SYNE1: variants seen among roughly 807,000 people sequenced by gnomAD.
SYNE1 encodes the protein spectrin repeat containing nuclear envelope protein 1, also known as nesprin-1.
A neutral mutation model predicts 1,111.0 loss-of-function variants in SYNE1; 616 were observed. The observed-to-expected ratio is 0.55, with a 90% CI of 0.52 to 0.59. The LOEUF is 0.59. Among genes scored for constraint, SYNE1 ranks in the 20% least tolerant of loss-of-function variants. The pLI, the probability that SYNE1 is intolerant of heterozygous loss-of-function variation, is 0.00. For synonymous variants in SYNE1, 3,855 were observed against 3,825.8 expected, an observed-to-expected ratio of 1.01 and a Z score of -0.28; for missense variants, 10,006 against 10,417.0, an observed-to-expected ratio of 0.96 and a Z score of 1.72.
At position 152,438,145 on chromosome 6, in the gene SYNE1, T is replaced by A. The variant is rs140760193; in HGVS notation, c.4150-2044A>T. Among the ~76,000 whole-genome samples the A allele has an allele frequency of 2.5e-3, 381 of 152,352 alleles. 2 individuals carry two copies. The highest frequency in any genetic ancestry group is 8.8e-3 in the African/African-American group (364 of 41,582). On this transcript the variant is annotated intron_variant, in intron 32 of 145. Transcript: ENST00000367255. ...CACTAAAATATGGTAGTTGCTAATG[T>A]CACAACATTAAATTCTTTGGATAAA...
chr6:152,185,979 G>A (rs2069745729), intron 128 of SYNE1, among the ~76,000 whole-genome samples: 1 of 152,158 alleles, frequency 6.6e-6, no homozygotes, highest in South Asian at 2.1e-4. Flanking sequence ...ACGTAAGTAT[G>A]AGGAAATAGA....
rs1044484171 is a variant in SYNE1 at position 152,573,355 on chromosome 6, T to A, written c.68-33334A>T. 3.9e-5 allele frequency among the ~76,000 whole-genome samples: 4 copies of A among 103,076 alleles called. No individual in the cohort carries two copies. The South Asian group carries it at 1.3e-3, about 35-fold the overall frequency. 67.6% of individuals were successfully genotyped at this position (103,076 alleles called of 152,430 possible). A position where few individuals can be genotyped will look rare whatever the true frequency, so the allele number is the denominator to read the frequency against. ...CCTCCCCCCACCCCACAACAGGCCC[T>A]GGTGTGTTATGGTCCCCTTCCTGTG... is the stretch of plus-strand genomic sequence containing the variant. On this transcript the variant is annotated intron_variant, in intron 3 of 145. Transcript: ENST00000367255.
chr6:152,416,759 G>C lies in SYNE1; in HGVS notation c.5678C>G (p.Ala1893Gly). The change falls in exon 41 of 146, where the codon GCA (alanine) becomes GGA (glycine). Residue 1893 changes from alanine to glycine, a missense_variant. Physicochemically the swap from Ala to Gly is moderately conservative, Grantham distance 60. Around this residue, in one of 7 missense-constraint regions of SYNE1, gnomAD observed 4,955 missense variants for 5,017.2 expected, o/e 0.99. Transcript: ENST00000367255. The part of the protein sequence containing the change: ...ILRQLRQTVE[A>G]TNSMNKNESD... ...CTCGTTCTTATTCATACTGTTGGTT[G>C]CTTCCACTGTTTGCCTCAGCTGGCG... 1 of 1,614,234 alleles carries C rather than the reference G, an allele frequency of 6.2e-7. No homozygotes were observed. Among genetic ancestry groups the C allele is most frequent in the Non-Finnish European group, 8.5e-7 (1 of 1,180,042 alleles).
At chr6:152,475,345 T>C (rs756534540) in intron 14 of SYNE1, among the ~76,000 whole-genome samples, 1 of 152,218 alleles carries the variant, frequency 6.6e-6, no homozygotes, top group Non-Finnish European at 1.5e-5. Flanking sequence ...CCAAACATTA[T>C]AGCTTAGCTT....
intron 3 of SYNE1, among the ~76,000 whole-genome samples, chr6:152,592,119 C>T (rs567947278): frequency 1.2e-4 from 19 of 152,152 alleles, no homozygotes; most frequent in Admixed American, 3.3e-4. Flanking sequence ...GGAGATTTCT[C>T]AAAGAACTTA....
intron 30 of SYNE1, among the ~76,000 whole-genome samples, chr6:152,442,861 A>G (rs1272081041): frequency 6.6e-6 from 1 of 152,164 alleles, no homozygotes; most frequent in Non-Finnish European, 1.5e-5. Context: ...TGGGAGGGTC[A>G]CTTGAACCCA....
chr6:152,449,613 TAGATA>T lies in SYNE1; in HGVS notation c.3419_3423del (p.Ile1140AsnfsTer3). ...ATCCCCTTTAATTGTGTCTCATTTG[TAGATA>T]TCCAAGATGAGAACTCAGAGAATCT... On this transcript the variant is annotated frameshift_variant, in exon 28 of 146. Coordinates refer to ENST00000367255, the MANE Select transcript of SYNE1 (RefSeq NM_182961.4). LOFTEE classifies it high-confidence loss of function. 6.2e-7 allele frequency: 1 copy of T among 1,613,956 alleles called. No homozygotes were observed. The highest frequency in any genetic ancestry group is 8.5e-7 in the Non-Finnish European group (1 of 1,179,834).
chr6:152,381,944 T>C (rs994313024), intron 55 of SYNE1, among the ~76,000 whole-genome samples: 1 of 152,208 alleles, frequency 6.6e-6, no homozygotes, highest in Non-Finnish European at 1.5e-5. Context: ...TAGACTGACT[T>C]ACTCAAAAGT....
intron 55 of SYNE1, among the ~76,000 whole-genome samples, chr6:152,382,294 G>A (rs917746515): frequency 6.6e-6 from 1 of 152,094 alleles, no homozygotes; most frequent in South Asian, 2.1e-4. Context: ...AGATAATCAG[G>A]CACAAAAATG....
chr6:152,551,134 C>T (rs752472368), intron 3 of SYNE1, among the ~76,000 whole-genome samples: 10 of 152,206 alleles, frequency 6.6e-5, no homozygotes, highest in South Asian at 6.2e-4. Context: ...AGACAATGAT[C>T]GGATAGTAAA....
chr6:152,298,481 T>G (rs1362959145), intron 93 of SYNE1, among the ~76,000 whole-genome samples: 1 of 152,214 alleles, frequency 6.6e-6, no homozygotes, highest in East Asian at 1.9e-4. Context: ...TAATAGCTAC[T>G]GTCAGAGACA....
rs1590856265 is a variant in SYNE1, at chr6:152,352,145, A to C, written c.11462T>G (p.Phe3821Cys). Residue 3821 changes from phenylalanine (F) to cysteine (C), a missense_variant, in exon 70 of 146, where the codon TTC becomes TGC. Physicochemically the swap from Phe to Cys is radical, Grantham distance 205. Around this residue, in one of 7 missense-constraint regions of SYNE1, gnomAD observed 4,955 missense variants for 5,017.2 expected, o/e 0.99. Transcript: ENST00000367255. ...LEKGLHLAKE[F>C]SDKCKALTQW... ...TGTCAGTGCTTTGCATTTATCTGAG[A>C]ATTCCTTTGCTAAATGAAGACCTTT... The C allele has an allele frequency of 6.8e-6, 11 of 1,614,202 alleles. No homozygotes were observed. The East Asian group carries it at 2.5e-4, about 36-fold the overall frequency.
chr6:152,399,485 A>G, intron 48 of SYNE1, 131 bp downstream of exon 48: 2 of 1,128,232 alleles, frequency 1.8e-6, no homozygotes, highest in Non-Finnish European at 2.7e-6. Flanking sequence ...CTCAAATCGC[A>G]AAGCACAAAC....
At chr6:152,542,748 A>G (rs2099277703) in intron 3 of SYNE1, among the ~76,000 whole-genome samples, 1 of 152,162 alleles carries the variant, frequency 6.6e-6, no homozygotes, top group Admixed American at 6.5e-5. Context: ...TTATAAATTT[A>G]TAGTTCAAAT....
At position 152,369,720 on chromosome 6, in the gene SYNE1, C is replaced by A. The variant is rs1467457680; in HGVS notation, c.9508-106G>T. The A allele has an allele frequency of 2.9e-6, 4 of 1,362,048 alleles. No individual in the cohort carries two copies. In the African/African-American group the frequency reaches 4.3e-5, roughly 15 times the overall value. 84.4% of individuals were successfully genotyped at this position (1,362,048 alleles called of 1,614,324 possible). A position where few individuals can be genotyped will look rare whatever the true frequency, so the allele number is the denominator to read the frequency against. On this transcript the variant is annotated intron_variant, in intron 59 of 145. Transcript: ENST00000367255. ...CACCCAGGCTGGGCACAGTGGCTCA[C>A]GCCTGTAATCCCAGCACTTTGGGTG...
chr6:152,481,245 CTAG>C, intron 14 of SYNE1: 1 of 207,216 alleles, frequency 4.8e-6, no homozygotes, highest in Non-Finnish European at 9.9e-6. Context: ...TCTCAGACCT[CTAG>C]ATTGGAGGCA....
intron 123 of SYNE1, 134 bp from the exon 124 acceptor site, chr6:152,211,722 A>C (rs2077552167): frequency 4.3e-6 from 3 of 703,396 alleles, no homozygotes; most frequent in Non-Finnish European, 7.4e-6. Context: ...AAATGTGTGA[A>C]ATCCTGCAGT....
chr6:152,225,821 T>A lies in SYNE1; in HGVS notation c.21251A>T (p.Asn7084Ile). ...KEKEVEKIEQ[N>I]GLALIQNKKE... is the part of the protein sequence containing the mutation. ...CTTGTTCTGAATCAAAGCAAGTCCATTCTGCTCAATTTTCTCTACTTCTTT... is the reference window on the plus strand; with the variant it reads ...CTTGTTCTGAATCAAAGCAAGTCCAATCTGCTCAATTTTCTCTACTTCTTT... Residue 7084 changes from asparagine to isoleucine, a missense_variant, in exon 116 of 146, where the codon AAT becomes ATT. By Grantham distance (149) the Asn-to-Ile change is moderately radical. Transcript: ENST00000367255. 4 of 1,614,064 alleles carry A rather than the reference T, an allele frequency of 2.5e-6. No individual in the cohort carries two copies. The highest frequency in any genetic ancestry group is 3.4e-6 in the Non-Finnish European group (4 of 1,179,998).
rs113781129 is a variant in SYNE1, at chr6:152,465,760, A to AACAC, written c.1729+218_1729+221dup. 7.5e-3 allele frequency among the ~76,000 whole-genome samples: 1,002 copies of AACAC among 133,262 alleles called. 6 individuals carry two copies. Among genetic ancestry groups the AACAC allele is most frequent in the Middle Eastern group, 0.027 (7 of 264 alleles). The allele number at this position is 133,262 out of a possible 152,430, so 87.4% of individuals were successfully genotyped here. On this transcript the variant is annotated intron_variant, in intron 17 of 145. Coordinates refer to ENST00000367255, the MANE Select transcript of SYNE1 (RefSeq NM_182961.4). ...TGCTTATTTTGTTCTCTCTTAGAAG[A>AACAC]ACACATACACACACACACACACACA...
Sources: gnomAD v4.1 joint callset for allele counts (sites outside exome capture counted in the v4.1 genomes callset) on GRCh38, gnomAD v4.1.1 for gene constraint, gnomAD v4.1.1 regional missense constraint, MANE v1.5 for transcripts, NCBI Gene and HGNC (gene_info 2026-07-23, HGNC 2026-07-21) for gene names.